Variants in ANKRD36 observed in about 807,000 individuals in gnomAD.
The protein encoded by ANKRD36 is ankyrin repeat domain 36, also known as ankyrin repeat domain-containing protein 36A.
A neutral mutation model predicts 278.1 loss-of-function variants in ANKRD36; 179 were observed. That is an observed-to-expected ratio of 0.64 (90% confidence interval 0.57 to 0.73). ANKRD36 has a LOEUF of 0.73. Ranked by LOEUF, ANKRD36 falls within the 30% of genes least tolerant of loss-of-function variation. The pLI is 0.00. For missense variants in ANKRD36, 1,159 were observed against 1,956.7 expected, an observed-to-expected ratio of 0.59 and a Z score of 7.69; for synonymous variants, 320 against 641.1, an observed-to-expected ratio of 0.50 and a Z score of 7.57.
chr2:97,208,941 T>C (rs1326480919), intron 54 of ANKRD36, among the ~76,000 whole-genome samples: 1 of 146,750 alleles, frequency 6.8e-6, no homozygotes, highest in East Asian at 2.0e-4. Context: ...CTAATGCTTG[T>C]AGCCATTTTA....
intron 67 of ANKRD36, among the ~76,000 whole-genome samples, chr2:97,226,078 A>AT (rs1413359241): frequency 6.6e-6 from 1 of 151,790 alleles, no homozygotes; most frequent in Non-Finnish European, 1.5e-5. Flanking sequence ...TAGTGCCGCA[A>AT]AAACATATGT....
At chr2:97,197,493 T>A (rs1006085773) in intron 42 of ANKRD36, among the ~76,000 whole-genome samples, 1 of 151,942 alleles carries the variant, frequency 6.6e-6, no homozygotes, top group Non-Finnish European at 1.5e-5. Context: ...ATTTTAGTTA[T>A]AGAAATGAGA....
intron 68 of ANKRD36, among the ~76,000 whole-genome samples, chr2:97,234,991 T>G (rs1317445170): frequency 7.1e-6 from 1 of 140,478 alleles, no homozygotes; most frequent in Non-Finnish European, 1.5e-5. Flanking sequence ...TTGTAGTATC[T>G]TTTGAAGAGC....
chr2:97,208,320 G>A (rs2063428543), intron 54 of ANKRD36, among the ~76,000 whole-genome samples: 1 of 146,704 alleles, frequency 6.8e-6, no homozygotes, highest in Non-Finnish European at 1.5e-5. Flanking sequence ...AAGGGTGGAA[G>A]GAGAAAGAGA....
intron 65 of ANKRD36, 38 bp from the exon 66 acceptor site, chr2:97,219,136 C>T (rs1415264589): frequency 1.3e-6 from 2 of 1,545,406 alleles, no homozygotes; most frequent in South Asian, 1.2e-5. Context: ...TACCAATATA[C>T]ATCATGTGCT....
At chr2:97,200,274 T>A in intron 44 of ANKRD36, 60 bp from the exon 45 acceptor site, 1 of 1,605,590 alleles carries the variant, frequency 6.2e-7, no homozygotes, top group Non-Finnish European at 8.5e-7. Context: ...ACTGTGTGAA[T>A]CTATGGATAA....
intron 12 of ANKRD36, among the ~76,000 whole-genome samples, chr2:97,150,758 T>G (rs1277947457): frequency 6.6e-6 from 1 of 152,268 alleles, no homozygotes; most frequent in African/African-American, 2.4e-5. Context: ...TTTTCTTAAA[T>G]TTTTAAAGCC....
At chr2:97,162,174 T>G in intron 18 of ANKRD36, 36 bp downstream of exon 18, 1 of 1,359,796 alleles carries the variant, frequency 7.4e-7, no homozygotes, top group East Asian at 2.9e-5. Context: ...ATGAGAGCAA[T>G]GAAATAATGA....
intron 67 of ANKRD36, among the ~76,000 whole-genome samples, 184 bp from the exon 68 acceptor site, chr2:97,233,546 A>T (rs1424963009): frequency 1.3e-5 from 2 of 152,124 alleles, no homozygotes; most frequent in Non-Finnish European, 2.9e-5. Flanking sequence ...AAACTAATTT[A>T]TCCATAGACC....
chr2:97,144,784 C>G (rs186071463), intron 10 of ANKRD36, 72 bp downstream of exon 10: 13 of 1,502,090 alleles, frequency 8.7e-6, no homozygotes, highest in Non-Finnish European at 1.2e-5. Context: ...AATAAATCAG[C>G]AGGGGGCTCA....
At chr2:97,149,831 A>G (rs2045446302) in intron 12 of ANKRD36, among the ~76,000 whole-genome samples, 1 of 151,824 alleles carries the variant, frequency 6.6e-6, no homozygotes, top group Non-Finnish European at 1.5e-5. Flanking sequence ...TCTTGTGCAC[A>G]TATTTTGATA....
At chr2:97,150,811 T>C (rs2045728005) in intron 12 of ANKRD36, among the ~76,000 whole-genome samples, 1 of 152,282 alleles carries the variant, frequency 6.6e-6, no homozygotes, top group Non-Finnish European at 1.5e-5. Context: ...GGACATACAT[T>C]ACTCTTTCAA....
chr2:97,249,504 TA>T lies in ANKRD36; in HGVS notation c.5631-40del, dbSNP rs2153697190. ...AAGTTTGTTTAGAATTTACATGATT[TA>T]AAAAAAATTACGTGTGAGAGTAATT... On this transcript the variant is annotated intron_variant, in intron 73 of 75. Transcript: ENST00000420699. The T allele has an allele frequency of 8.9e-4, 3 of 3,352 alleles. No individual in the cohort carries two copies. In the East Asian group the frequency reaches 0.1, roughly 112 times the overall value. 0.2% of individuals were successfully genotyped at this position (3,352 alleles called of 1,614,324 possible). A position where few individuals can be genotyped will look rare whatever the true frequency, so the allele number is the denominator to read the frequency against.
chr2:97,220,462 A>ACACC (rs1276522831), intron 66 of ANKRD36, among the ~76,000 whole-genome samples: 5 of 151,074 alleles, frequency 3.3e-5, no homozygotes, highest in African/African-American at 9.8e-5. Context: ...TAAATTTCTC[A>ACACC]CACCCACAAA....
intron 20 of ANKRD36, among the ~76,000 whole-genome samples, chr2:97,165,995 T>A (rs2050546203): frequency 1.3e-5 from 2 of 151,702 alleles, no homozygotes; most frequent in South Asian, 4.2e-4. Context: ...GCAGAGACTA[T>A]GTCATTGTAA....
At chr2:97,152,440 T>C (rs1335107737) in intron 13 of ANKRD36, 64 bp from the exon 14 acceptor site, 5 of 1,334,804 alleles carry the variant, frequency 3.7e-6, no homozygotes, top group East Asian at 5.0e-5. Flanking sequence ...TGCTCTTTTA[T>C]GTTTTTAGTA....
intron 52 of ANKRD36, among the ~76,000 whole-genome samples, chr2:97,207,077 TCTTA>T (rs1198334139): frequency 2.0e-5 from 3 of 151,638 alleles, no homozygotes; most frequent in African/African-American, 4.8e-5. Context: ...CTTGTAGCAG[TCTTA>T]CTTTGTATGT....
rs1045337182 is a variant in ANKRD36 at position 97,181,506 on chromosome 2, G to A, written c.1736-92G>A. Reference sequence around the variant, plus strand: ...TCAAAGCCTACACTAGTACAGGCAGGAAGATACAGCTTGATGCTAACACTG... The same window carrying A: ...TCAAAGCCTACACTAGTACAGGCAGAAAGATACAGCTTGATGCTAACACTG... On this transcript the variant is annotated intron_variant, in intron 24 of 75. Coordinates refer to ENST00000420699, the MANE Select transcript of ANKRD36 (RefSeq NM_001354587.1). The A allele has an allele frequency of 1.9e-6, 3 of 1,555,494 alleles. No homozygotes were observed. The African/African-American group carries it at 4.1e-5, about 21-fold the overall frequency.
chr2:97,153,825 G>C (rs1341339455), intron 14 of ANKRD36, among the ~76,000 whole-genome samples: 3 of 147,324 alleles, frequency 2.0e-5, no homozygotes, highest in African/African-American at 7.3e-5. Flanking sequence ...GGATCCAGAA[G>C]GGGGAGCCCA....
Sources: gnomAD v4.1 joint callset for allele counts (sites outside exome capture counted in the v4.1 genomes callset) on GRCh38, gnomAD v4.1.1 for gene constraint, MANE v1.5 for transcripts, NCBI Gene and HGNC (gene_info 2026-07-23, HGNC 2026-07-21) for gene names.